MFHAS1: variants seen among roughly 807,000 people sequenced by gnomAD.
MFHAS1 encodes multifunctional ROCO family signaling regulator 1, also known as malignant fibrous histiocytoma-amplified sequence 1.
MFHAS1 carries 50 observed loss-of-function variants against 70.4 expected under a neutral mutation model. The ratio of observed to expected loss-of-function variants is 0.71; its 90% CI spans 0.57 to 0.90. The LOEUF (loss-of-function observed/expected upper bound fraction) is 0.90, where lower values mean the gene tolerates loss of function less well. Ranked by LOEUF, MFHAS1 falls within the 40% of genes least tolerant of loss-of-function variation. MFHAS1 has a pLI of 0.00. For synonymous variants in MFHAS1, 952 were observed against 620.0 expected (o/e 1.54, Z -7.96); for missense variants, 1,795 against 1,347.6 (o/e 1.33, Z -5.20).
At chr8:8,793,411 T>G (rs573294128) in intron 2 of MFHAS1, among the ~76,000 whole-genome samples, 1 of 152,280 alleles carries the variant, frequency 6.6e-6, no homozygotes, top group African/African-American at 2.4e-5. Flanking sequence ...AGGAGAGGGC[T>G]AAACCAGCCA....
intron 1 of MFHAS1, among the ~76,000 whole-genome samples, chr8:8,874,373 CAT>C (rs200488124): frequency 3.9e-4 from 58 of 148,312 alleles, no homozygotes; most frequent in Non-Finnish European, 5.7e-4. Flanking sequence ...CACACACACA[CAT>C]AATAATCTTC....
At chr8:8,846,418 C>G (rs1323973764) in intron 1 of MFHAS1, among the ~76,000 whole-genome samples, 1 of 151,904 alleles carries the variant, frequency 6.6e-6, no homozygotes, top group African/African-American at 2.4e-5. Flanking sequence ...TGCTACTATG[C>G]AAGTCCAAGG....
At chr8:8,862,985 A>G (rs772304727) in intron 1 of MFHAS1, among the ~76,000 whole-genome samples, 5 of 152,180 alleles carry the variant, frequency 3.3e-5, no homozygotes, top group Non-Finnish European at 7.3e-5. Flanking sequence ...TTTAGCACTT[A>G]CATTTAGATC....
At chr8:8,812,019 G>A (rs970522186) in intron 1 of MFHAS1, among the ~76,000 whole-genome samples, 2 of 152,160 alleles carry the variant, frequency 1.3e-5, no homozygotes, top group African/African-American at 4.8e-5. Context: ...TCCAGGAAGT[G>A]GTCACCCTGC....
intron 1 of MFHAS1, among the ~76,000 whole-genome samples, chr8:8,879,375 G>A (rs34599909): frequency 2.0e-5 from 3 of 151,916 alleles, no homozygotes; most frequent in Non-Finnish European, 4.4e-5. Flanking sequence ...AAGGACTCCT[G>A]AAGAAAAGGC....
Position 8,893,391 on chromosome 8 carries a change from G to T in MFHAS1, c.-333C>A, listed in dbSNP as rs3110411. ...CCGCCCGCCGCGCGGCGCCTCGGGG[G>T]GCCCGGCTCCGGCCCCGCTACCCTC... On this transcript the variant is annotated 5_prime_UTR_variant, in exon 1 of 3. Transcript: ENST00000276282. 85,578 of 145,250 alleles carry T rather than the reference G, an allele frequency of 0.59. 25,550 individuals are homozygous for T. The highest frequency in any genetic ancestry group is 0.84 in the East Asian group (4,069 of 4,860). The allele number at this position is 145,250 out of a possible 1,614,324, so 9.0% of individuals were successfully genotyped here.
intron 1 of MFHAS1, among the ~76,000 whole-genome samples, chr8:8,874,982 T>G (rs1056030947): frequency 1.3e-5 from 2 of 151,330 alleles, no homozygotes; most frequent in African/African-American, 4.9e-5. Flanking sequence ...GCAACACAAT[T>G]AGGCAACATT....
intron 1 of MFHAS1, among the ~76,000 whole-genome samples, chr8:8,861,069 G>T (rs1808641896): frequency 6.6e-6 from 1 of 152,136 alleles, no homozygotes; most frequent in South Asian, 2.1e-4. Context: ...CGTTTCTTGG[G>T]CTGAGGTAAT....
rs1805643142 is a variant in MFHAS1, at chr8:8,789,072, G to C, written c.3126-3017C>G. Reference sequence around the variant, plus strand: ...GTCGGTTTGAAGGACAAAAAGATAAGAGAGCAGGCAGCCAGCTGAGACTCA... The same window carrying C: ...GTCGGTTTGAAGGACAAAAAGATAACAGAGCAGGCAGCCAGCTGAGACTCA... On this transcript the variant is annotated intron_variant, in intron 2 of 2. Coordinates refer to ENST00000276282, the MANE Select transcript of MFHAS1 (RefSeq NM_004225.3). Among the ~76,000 whole-genome samples the C allele has an allele frequency of 1.3e-5, 2 of 151,798 alleles. 1 individual carries two copies. Among genetic ancestry groups the C allele is most frequent in the South Asian group, 4.2e-4 (2 of 4,780 alleles).
At position 8,892,583 on chromosome 8, in the gene MFHAS1, T is replaced by C; in HGVS notation, c.476A>G (p.His159Arg). The C allele has an allele frequency of 1.2e-6, 2 of 1,607,740 alleles. No homozygotes were observed. The highest frequency in any genetic ancestry group is 2.2e-5 in the East Asian group (1 of 44,476). ...ALPAQLGALA[H>R]LEELDVSFNR... Reference sequence around the variant, plus strand: ...AAAGCTGACATCCAGCTCCTCCAGGTGAGCGAGAGCGCCCAGCTGGGCGGG... The same window carrying C: ...AAAGCTGACATCCAGCTCCTCCAGGCGAGCGAGAGCGCCCAGCTGGGCGGG... The change falls in exon 1 of 3, where the codon CAC (histidine) becomes CGC (arginine). Residue 159 changes from histidine to arginine, a missense_variant. Coordinates refer to ENST00000276282, the MANE Select transcript of MFHAS1 (RefSeq NM_004225.3). This position sits in a 1 kb window ranked among gnomAD's most constrained non-coding sequence, Gnocchi z 4.7.
intron 1 of MFHAS1, among the ~76,000 whole-genome samples, chr8:8,823,426 G>C (rs934596613): frequency 6.6e-6 from 1 of 152,144 alleles, no homozygotes; most frequent in Admixed American, 6.5e-5. Context: ...CTAACTCCCT[G>C]CAAGTTCCCG....
At position 8,846,297 on chromosome 8, in the gene MFHAS1, A is replaced by AAGAAGGAGGAGGGGAAGGAGG. The variant is rs1808033773; in HGVS notation, c.2998+43743_2998+43763dup. On this transcript the variant is annotated intron_variant, in intron 1 of 2. Transcript: ENST00000276282. Reference sequence around the variant, plus strand: ...GAAGGAGGAGGAGGGGGAGGAGGATAAGAAGGAGGAGGGGAAGGAGGAGAA... The same window carrying AAGAAGGAGGAGGGGAAGGAGG: ...GAAGGAGGAGGAGGGGGAGGAGGATAAGAAGGAGGAGGGGAAGGAGGAGAAGGAGGAGGGGAAGGAGGAGAA... 2.9e-5 allele frequency among the ~76,000 whole-genome samples: 3 copies of AAGAAGGAGGAGGGGAAGGAGG among 102,812 alleles called. No homozygotes were observed. In the Admixed American group the frequency reaches 3.2e-4, roughly 11 times the overall value. 67.4% of individuals were successfully genotyped at this position (102,812 alleles called of 152,430 possible).
intron 1 of MFHAS1, among the ~76,000 whole-genome samples, chr8:8,839,770 G>T (rs925264701): frequency 1.3e-5 from 2 of 151,954 alleles, no homozygotes; most frequent in Non-Finnish European, 2.9e-5. Flanking sequence ...CTTGTAACAC[G>T]AGCCCAAAGA....
intron 1 of MFHAS1, among the ~76,000 whole-genome samples, chr8:8,833,264 G>A (rs958715679): frequency 1.3e-5 from 2 of 152,210 alleles, no homozygotes; most frequent in South Asian, 2.1e-4. Flanking sequence ...AGATTTGTGT[G>A]GGGACATAGA....
chr8:8,840,474 A>C (rs1025606542), intron 1 of MFHAS1, among the ~76,000 whole-genome samples: 24 of 151,914 alleles, frequency 1.6e-4, no homozygotes, highest in African/African-American at 5.3e-4. Context: ...AAAAAAAAAA[A>C]AAAAAAAAGA....
chr8:8,861,931 T>G (rs956951286), intron 1 of MFHAS1, among the ~76,000 whole-genome samples: 1 of 152,242 alleles, frequency 6.6e-6, no homozygotes, highest in African/African-American at 2.4e-5. Flanking sequence ...TACCACAATG[T>G]GTTTATCTGT....
At position 8,785,902 on chromosome 8, in the gene MFHAS1, C is replaced by T. The variant is rs545983578; in HGVS notation, c.*120G>A. On this transcript the variant is annotated 3_prime_UTR_variant, in exon 3 of 3. Transcript: ENST00000276282. ...GTCCAAAAAGCACCCTGCAAGCACG[C>T]GTTGTCACTCAAGTTCACAGAACAC... The T allele has an allele frequency of 6.0e-4, 591 of 991,420 alleles. 7 individuals carry two copies. In the South Asian group the frequency reaches 8.1e-3, roughly 14 times the overall value. 61.4% of individuals were successfully genotyped at this position (991,420 alleles called of 1,614,324 possible). A position where few individuals can be genotyped will look rare whatever the true frequency, so the allele number is the denominator to read the frequency against.
chr8:8,851,236 G>T (rs768986854), intron 1 of MFHAS1, among the ~76,000 whole-genome samples: 1 of 151,994 alleles, frequency 6.6e-6, no homozygotes, highest in Non-Finnish European at 1.5e-5. Flanking sequence ...TTTAGTCTTG[G>T]GTGTCTTATA....
rs191926801 is a variant in MFHAS1, at chr8:8,827,844, T to C, written c.2999-30353A>G. ...AAGATATATTTAAAATTTACTCATGTTTCGTCTAATAATTTTTATGAGTTC... is the reference window on the plus strand; with the variant it reads ...AAGATATATTTAAAATTTACTCATGCTTCGTCTAATAATTTTTATGAGTTC... On this transcript the variant is annotated intron_variant, in intron 1 of 2. Transcript: ENST00000276282. Among the ~76,000 whole-genome samples the C allele has an allele frequency of 2.1e-3, 327 of 152,338 alleles. 2 individuals carry two copies. The highest frequency in any genetic ancestry group is 7.3e-3 in the African/African-American group (302 of 41,578).
Sources: gnomAD v4.1 joint callset for allele counts (sites outside exome capture counted in the v4.1 genomes callset) on GRCh38, gnomAD v4.1.1 for gene constraint, Gnocchi (gnomAD v3.1) non-coding constraint, MANE v1.5 for transcripts, NCBI Gene and HGNC (gene_info 2026-07-23, HGNC 2026-07-21) for gene names.